TBX1: variants seen among roughly 807,000 people sequenced by gnomAD.
The protein encoded by TBX1 is T-box transcription factor TBX1.
A neutral mutation model predicts 40.8 loss-of-function variants in TBX1; 16 were observed. That is an observed-to-expected ratio of 0.39 (90% CI 0.27 to 0.60). The LOEUF (loss-of-function observed/expected upper bound fraction) is 0.60. Ranked by LOEUF, TBX1 falls within the 20% of genes least tolerant of loss-of-function variation. The probability of loss-of-function intolerance (pLI) is 0.51; values close to 1 mark genes in which losing one functional copy is unlikely to be tolerated. For missense variants in TBX1, 755 were observed against 728.5 expected (o/e 1.04, Z -0.42); for synonymous variants, 403 against 336.8 (o/e 1.20, Z -2.15).
rs1393913679 is a variant in TBX1 at position 19,766,622 on chromosome 22, C to T, written c.1270C>T (p.Pro424Ser). ...CGCATCGGAGCCGCTGCACCACCACCCCTACAAATATCCGGCCGCCGCCTA... is the reference window on the plus strand; with the variant it reads ...CGCATCGGAGCCGCTGCACCACCACTCCTACAAATATCCGGCCGCCGCCTA... ...PGASEPLHHH[P>S]YKYPAAAYDH... Residue 424 changes from proline (P) to serine (S), a missense_variant, in exon 7 of 7, where the codon CCC becomes TCC. This residue lies in a region of TBX1 where 412 missense variants were observed against 317.6 expected (regional missense o/e 1.30). Transcript: ENST00000649276. 1.2e-5 allele frequency: 18 copies of T among 1,543,802 alleles called. No individual in the cohort carries two copies. Among genetic ancestry groups the T allele is most frequent in the Non-Finnish European group, 1.5e-5 (17 of 1,153,438 alleles).
upstream of TBX1, among the ~76,000 whole-genome samples, chr22:19,758,103 G>GC (rs1316220432): frequency 6.6e-6 from 1 of 152,102 alleles, no homozygotes; most frequent in Non-Finnish European, 1.5e-5. Flanking sequence ...CTGGCGCCCA[G>GC]CCCCCCAGCC....
intron 8 of TBX1, among the ~76,000 whole-genome samples, chr22:19,774,305 C>T (rs751312262): frequency 2.0e-5 from 3 of 152,178 alleles, no homozygotes; most frequent in African/African-American, 4.8e-5. Context: ...CCCAGCTACT[C>T]AGGAGGCTGA....
In TBX1 at chr22:19,764,284, C is replaced by A; in HGVS notation, c.669C>A (p.Asp223Glu). 6.2e-7 allele frequency: 1 copy of A among 1,613,376 alleles called. No homozygotes were observed. Among genetic ancestry groups the A allele is most frequent in the Non-Finnish European group, 8.5e-7 (1 of 1,179,946 alleles). Residue 223 changes from aspartate (D) to glutamate (E), a missense_variant, in exon 3 of 7, where the codon GAC (aspartate) becomes GAA (glutamate). Physicochemically the swap from Asp to Glu is conservative, Grantham distance 45. This residue lies in a region of TBX1 where 144 missense variants were observed against 238.0 expected (regional missense o/e 0.61). Coordinates refer to ENST00000649276, the MANE Select transcript of TBX1 (RefSeq NM_001379200.1). ...AQWMKQIVSFDKLKLTNNLLD... is the reference protein window; with the variant it reads ...AQWMKQIVSFEKLKLTNNLLD... ...GGATGAAGCAAATCGTGTCCTTCGA[C>A]AAGCTCAAGCTGACCAACAACCTAC...
At chr22:19,763,536 A>C in intron 2 of TBX1, 194 bp downstream of exon 2, 1 of 612,112 alleles carries the variant, frequency 1.6e-6, no homozygotes, top group Admixed American at 2.6e-5. Context: ...ATGCCCTCTC[A>C]GAACCCGCCT....
At chr22:19,771,772 A>G (rs1936993923), downstream of TBX1, among the ~76,000 whole-genome samples, 1 of 152,124 alleles carries the variant, frequency 6.6e-6, no homozygotes, top group Non-Finnish European at 1.5e-5. Flanking sequence ...GTGTTCTCTT[A>G]TTCAAAGTGG....
In TBX1 at chr22:19,767,263, C is replaced by T; in HGVS notation, c.*396C>T. 9.7e-7 allele frequency: 1 copy of T among 1,030,052 alleles called. No individual in the cohort carries two copies. The highest frequency in any genetic ancestry group is 1.7e-5 in the African/African-American group (1 of 58,492). 63.8% of individuals were successfully genotyped at this position (1,030,052 alleles called of 1,614,324 possible). A position where few individuals can be genotyped will look rare whatever the true frequency, so the allele number is the denominator to read the frequency against. On this transcript the variant is annotated 3_prime_UTR_variant, in exon 7 of 7. Transcript: ENST00000649276. ...GCCCCGCCTGCAGGCGGTGTAGATACATGTAGATACTGTAGATACTGTAGA... is the reference window on the plus strand; with the variant it reads ...GCCCCGCCTGCAGGCGGTGTAGATATATGTAGATACTGTAGATACTGTAGA...
At chr22:19,774,117 C>T (rs1376872146) in intron 8 of TBX1, among the ~76,000 whole-genome samples, 1 of 152,152 alleles carries the variant, frequency 6.6e-6, no homozygotes, top group Non-Finnish European at 1.5e-5. Flanking sequence ...TTGGTGAGGA[C>T]ATGGAGCCCC....
At chr22:19,760,200 G>A (rs1936596064), upstream of TBX1, among the ~76,000 whole-genome samples, 1 of 137,522 alleles carries the variant, frequency 7.3e-6, no homozygotes, top group Non-Finnish European at 1.5e-5. Context: ...AAGAAAAAAA[G>A]GAAAGACTTT....
At chr22:19,768,162 T>TGCACGTG (rs1239699996), downstream of TBX1, among the ~76,000 whole-genome samples, 1 of 152,148 alleles carries the variant, frequency 6.6e-6, no homozygotes, top group Non-Finnish European at 1.5e-5. Context: ...GAACGGGAAG[T>TGCACGTG]GCACGTGGCC....
Position 19,767,263 on chromosome 22 carries a change from C to A in TBX1, c.*396C>A. 9.7e-7 allele frequency: 1 copy of A among 1,030,052 alleles called. No individual in the cohort carries two copies. The highest frequency in any genetic ancestry group is 1.2e-6 in the Non-Finnish European group (1 of 860,342). 63.8% of individuals were successfully genotyped at this position (1,030,052 alleles called of 1,614,324 possible). ...GCCCCGCCTGCAGGCGGTGTAGATACATGTAGATACTGTAGATACTGTAGA... is the reference window on the plus strand; with the variant it reads ...GCCCCGCCTGCAGGCGGTGTAGATAAATGTAGATACTGTAGATACTGTAGA... On this transcript the variant is annotated 3_prime_UTR_variant, in exon 7 of 7. Coordinates refer to ENST00000649276, the MANE Select transcript of TBX1 (RefSeq NM_001379200.1).
chr22:19,776,928 C>T (rs966159058), intron 8 of TBX1, among the ~76,000 whole-genome samples: 2 of 151,962 alleles, frequency 1.3e-5, no homozygotes, highest in Admixed American at 1.3e-4. Flanking sequence ...CAGTACAGAA[C>T]ACAGATCAGC....
In TBX1 at chr22:19,767,024, C is replaced by G; in HGVS notation, c.*157C>G. On this transcript the variant is annotated 3_prime_UTR_variant, in exon 7 of 7. Coordinates refer to ENST00000649276, the MANE Select transcript of TBX1 (RefSeq NM_001379200.1). Reference sequence around the variant, plus strand: ...CCAGCCTCGAAGCCATGGGGGCCCCCTCGCCACCCCCAGCCCCTTGGGCTA... The same window carrying G: ...CCAGCCTCGAAGCCATGGGGGCCCCGTCGCCACCCCCAGCCCCTTGGGCTA... The G allele has an allele frequency of 2.2e-6, 3 of 1,355,138 alleles. No homozygotes were observed. The highest frequency in any genetic ancestry group is 2.8e-6 in the Non-Finnish European group (3 of 1,056,666). The allele number at this position is 1,355,138 out of a possible 1,614,324, so 83.9% of individuals were successfully genotyped here. A position where few individuals can be genotyped will look rare whatever the true frequency, so the allele number is the denominator to read the frequency against.
intron 8 of TBX1, among the ~76,000 whole-genome samples, chr22:19,772,692 C>A (rs1042269505): frequency 6.6e-6 from 1 of 152,202 alleles, no homozygotes. Context: ...CCGGATTACT[C>A]CCCCAAGACA....
chr22:19,762,311 G>A (rs1016761991), intron 1 of TBX1, among the ~76,000 whole-genome samples: 7 of 152,242 alleles, frequency 4.6e-5, no homozygotes, highest in Admixed American at 4.6e-4. Context: ...GGGAGGGAGC[G>A]GGCCTGTCCT....
chr22:19,761,418 C>T lies in TBX1; in HGVS notation c.437+138C>T, dbSNP rs1313406406. 9 of 1,225,162 alleles carry T rather than the reference C, an allele frequency of 7.3e-6. No homozygotes were observed. The African/African-American group carries it at 1.3e-4, about 17-fold the overall frequency. 75.9% of individuals were successfully genotyped at this position (1,225,162 alleles called of 1,614,324 possible). On this transcript the variant is annotated intron_variant, in intron 1 of 6. Transcript: ENST00000649276. ...GGCCACCTGCGGGCCCCTCTGGGCC[C>T]CGCTGCCTCCTTCGCTGTTCGCCGT...
chr22:19,766,973 AG>A lies in TBX1; in HGVS notation c.*110del. 6.8e-7 allele frequency: 1 copy of A among 1,474,772 alleles called. No homozygotes were observed. The allele number at this position is 1,474,772 out of a possible 1,614,324, so 91.4% of individuals were successfully genotyped here. A position where few individuals can be genotyped will look rare whatever the true frequency, so the allele number is the denominator to read the frequency against. On this transcript the variant is annotated 3_prime_UTR_variant, in exon 7 of 7. Transcript: ENST00000649276. ...GCAAGGAATACGTTCCCCCAGCCCC[AG>A]GGGCCACCGCGGCTCTCCCCTTCCC...
chr22:19,765,728 A>C, intron 4 of TBX1, 30 bp from the exon 5 acceptor site: 1 of 1,610,214 alleles, frequency 6.2e-7, no homozygotes, highest in Non-Finnish European at 8.5e-7. Context: ...GCAGGGCTCC[A>C]GCGGCTTGCT....
At position 19,767,246 on chromosome 22, in the gene TBX1, T is replaced by A. The variant is rs1936895649; in HGVS notation, c.*379T>A. ...GTGTAGACAGCCCGAGAGCCCCGCC[T>A]GCAGGCGGTGTAGATACATGTAGAT... On this transcript the variant is annotated 3_prime_UTR_variant, in exon 7 of 7. Transcript: ENST00000649276. 1 of 1,051,308 alleles carries A rather than the reference T, an allele frequency of 9.5e-7. No homozygotes were observed. The highest frequency in any genetic ancestry group is 1.1e-6 in the Non-Finnish European group (1 of 874,084). 65.1% of individuals were successfully genotyped at this position (1,051,308 alleles called of 1,614,324 possible). A position where few individuals can be genotyped will look rare whatever the true frequency, so the allele number is the denominator to read the frequency against.
At chr22:19,764,527 G>A (rs1396452326) in intron 3 of TBX1, among the ~76,000 whole-genome samples, 2 of 152,262 alleles carry the variant, frequency 1.3e-5, no homozygotes, top group Non-Finnish European at 2.9e-5. Context: ...GTGCCGATGA[G>A]GAGAGCGGCC....
Sources: allele counts gnomAD v4.1 joint callset (sites outside exome capture counted in the v4.1 genomes callset), GRCh38; gene constraint gnomAD v4.1.1; regional missense constraint gnomAD v4.1.1; transcripts MANE v1.5; gene names NCBI Gene and HGNC (gene_info 2026-07-23, HGNC 2026-07-21).